PLD1: variants seen among roughly 807,000 people sequenced by gnomAD.
The protein encoded by PLD1 is phospholipase D1.
A neutral mutation model predicts 137.1 loss-of-function variants in PLD1; 112 were observed. That is an observed-to-expected ratio of 0.82 (90% CI 0.70 to 0.96). PLD1 has a LOEUF of 0.96. Among genes scored for constraint, PLD1 ranks in the 40% least tolerant of loss-of-function variants. The pLI, the probability that PLD1 is intolerant of heterozygous loss-of-function variation, is 0.00. For synonymous variants in PLD1, 431 were observed against 454.7 expected (o/e 0.95, Z 0.66); for missense variants, 1,321 against 1,342.0 (o/e 0.98, Z 0.24).
chr3:171,690,126 G>A (rs927555788), intron 13 of PLD1, among the ~76,000 whole-genome samples: 1 of 152,030 alleles, frequency 6.6e-6, no homozygotes, highest in Non-Finnish European at 1.5e-5. Context: ...TTATTTCTAG[G>A]AACTTGTACA....
At chr3:171,770,607 C>T (rs1410769390) in intron 1 of PLD1, among the ~76,000 whole-genome samples, 1 of 152,062 alleles carries the variant, frequency 6.6e-6, no homozygotes, top group Non-Finnish European at 1.5e-5. Flanking sequence ...CTAGGCTAGG[C>T]AAGGTGGCTC....
intron 19 of PLD1, among the ~76,000 whole-genome samples, chr3:171,671,562 A>G (rs1712755888): frequency 1.3e-5 from 2 of 152,138 alleles, no homozygotes; most frequent in African/African-American, 4.8e-5. Context: ...TGCTCTCATT[A>G]TCTCTCTAGT....
chr3:171,676,936 C>T, intron 17 of PLD1, 103 bp from the exon 18 acceptor site: 1 of 684,862 alleles, frequency 1.5e-6, no homozygotes, highest in Non-Finnish European at 2.6e-6. Flanking sequence ...GGTTAGTGCC[C>T]ACTAGGTATA....
At chr3:171,640,097 A>T (rs1735616862) in intron 23 of PLD1, among the ~76,000 whole-genome samples, 1 of 151,520 alleles carries the variant, frequency 6.6e-6, no homozygotes, top group African/African-American at 2.4e-5. Flanking sequence ...AACTTTGTTG[A>T]TCTTTTCAAA....
intron 1 of PLD1, among the ~76,000 whole-genome samples, chr3:171,754,847 A>G (rs1720905118): frequency 6.6e-6 from 1 of 152,192 alleles, no homozygotes; most frequent in African/African-American, 2.4e-5. Flanking sequence ...CTCGCTCCTT[A>G]TTAAAACCAG....
chr3:171,680,933 A>C (rs1390931584), intron 16 of PLD1, among the ~76,000 whole-genome samples: 1 of 152,148 alleles, frequency 6.6e-6, no homozygotes, highest in African/African-American at 2.4e-5. Context: ...CTCTACTATA[A>C]ACGCTATAAA....
At chr3:171,704,059 A>T (rs1716467470) in intron 11 of PLD1, among the ~76,000 whole-genome samples, 1 of 152,224 alleles carries the variant, frequency 6.6e-6, no homozygotes, top group South Asian at 2.1e-4. Context: ...AAAATTGGGG[A>T]GAGGAGCTCA....
intron 10 of PLD1, 25 bp downstream of exon 10, chr3:171,709,535 C>T: frequency 1.9e-6 from 3 of 1,606,492 alleles, no homozygotes. Flanking sequence ...ACTGCCTTGA[C>T]AGGCTTAGAG....
intron 3 of PLD1, among the ~76,000 whole-genome samples, chr3:171,737,087 C>A (rs4256166): frequency 1.3e-5 from 2 of 152,034 alleles, no homozygotes; most frequent in Non-Finnish European, 2.9e-5. Flanking sequence ...TCCAGTATCC[C>A]GGCTTTTTTT....
chr3:171,619,410 A>C lies in PLD1; in HGVS notation c.2728+976T>G, dbSNP rs997604902. Among the ~76,000 whole-genome samples the C allele has an allele frequency of 2.0e-5, 3 of 152,202 alleles. No homozygotes were observed. In the East Asian group the frequency reaches 5.8e-4, roughly 29 times the overall value. ...GGAGAGTAACTCTCCTGAATTTGTC[A>C]GTGGGAAGAGGCCTTTGGAAAAGTC... On this transcript the variant is annotated intron_variant, in intron 24 of 26. Coordinates refer to ENST00000351298, the MANE Select transcript of PLD1 (RefSeq NM_002662.5).
At chr3:171,661,926 G>A (rs1260865329) in intron 20 of PLD1, 134 bp downstream of exon 20, 2 of 554,420 alleles carry the variant, frequency 3.6e-6, no homozygotes, top group Non-Finnish European at 6.5e-6. Flanking sequence ...ATGAACCAGA[G>A]CTTCTCCAGC....
At chr3:171,686,604 C>A in intron 16 of PLD1, 81 bp downstream of exon 16, 1 of 734,814 alleles carries the variant, frequency 1.4e-6, no homozygotes, top group South Asian at 1.8e-5. Context: ...AATCTGGAAA[C>A]ACATTCACTA....
At chr3:171,632,931 C>A (rs746545807) in intron 23 of PLD1, among the ~76,000 whole-genome samples, 2 of 152,192 alleles carry the variant, frequency 1.3e-5, no homozygotes, top group Non-Finnish European at 2.9e-5. Context: ...ACTTCCCACT[C>A]ATCCTTGACT....
intron 1 of PLD1, among the ~76,000 whole-genome samples, chr3:171,767,898 G>C (rs903267119): frequency 6.6e-6 from 1 of 151,994 alleles, no homozygotes; most frequent in Non-Finnish European, 1.5e-5. Context: ...AGCAGTGATC[G>C]TGCCACTGCA....
At chr3:171,605,642 G>T (rs1732147214) in intron 25 of PLD1, among the ~76,000 whole-genome samples, 1 of 152,124 alleles carries the variant, frequency 6.6e-6, no homozygotes, top group African/African-American at 2.4e-5. Context: ...AAATTCTCAA[G>T]CAAACAAGAC....
chr3:171,778,083 T>A (rs1722651126), intron 1 of PLD1, among the ~76,000 whole-genome samples: 1 of 152,180 alleles, frequency 6.6e-6, no homozygotes, highest in South Asian at 2.1e-4. Context: ...ATATTTAAAT[T>A]ATTTATGTTA....
intron 1 of PLD1, among the ~76,000 whole-genome samples, chr3:171,775,949 A>G (rs1275929750): frequency 6.6e-6 from 1 of 152,224 alleles, no homozygotes; most frequent in Non-Finnish European, 1.5e-5. Flanking sequence ...GGACCCTAGT[A>G]TGAGATGGAG....
At chr3:171,635,797 T>A (rs529884218) in intron 23 of PLD1, among the ~76,000 whole-genome samples, 48 of 151,906 alleles carry the variant, frequency 3.2e-4, no homozygotes, top group African/African-American at 1.1e-3. Context: ...AATTATCTAT[T>A]TTTATATGTT....
intron 1 of PLD1, among the ~76,000 whole-genome samples, chr3:171,780,309 G>T (rs118030992): frequency 1.3e-5 from 2 of 151,768 alleles, no homozygotes; most frequent in Non-Finnish European, 2.9e-5. Context: ...TAACATTCAG[G>T]ACTGGGATTT....
Sources: gnomAD v4.1 joint callset for allele counts (sites outside exome capture counted in the v4.1 genomes callset) on GRCh38, gnomAD v4.1.1 for gene constraint, MANE v1.5 for transcripts, NCBI Gene and HGNC (gene_info 2026-07-23, HGNC 2026-07-21) for gene names.